The following STPG4 variants were observed in gnomAD, a reference collection of about 807,000 sequenced individuals.
The protein encoded by STPG4 is protein STPG4.
STPG4 carries 41 observed loss-of-function variants against 31.5 expected under a neutral mutation model. The observed-to-expected ratio is 1.30, with a 90% CI of 1.01 to 1.69. The LOEUF (loss-of-function observed/expected upper bound fraction) is 1.69. Among genes scored for constraint, STPG4 ranks in the 40% most tolerant of loss-of-function variants. The probability of loss-of-function intolerance (pLI) is 0.00; values close to 1 mark genes in which losing one functional copy is unlikely to be tolerated. For synonymous variants in STPG4, 141 were observed against 103.0 expected (o/e 1.37, Z -2.24); for missense variants, 375 against 293.4 (o/e 1.28, Z -2.03).
At chr2:47,142,338 C>G (rs1686731755) in intron 3 of STPG4, among the ~76,000 whole-genome samples, 1 of 152,052 alleles carries the variant, frequency 6.6e-6, no homozygotes, top group Non-Finnish European at 1.5e-5. Context: ...TTTCCATGAG[C>G]TCCATCTTCC....
chr2:47,096,929 CG>C (rs1685681254), intron 5 of STPG4, among the ~76,000 whole-genome samples: 1 of 152,040 alleles, frequency 6.6e-6, no homozygotes, highest in African/African-American at 2.4e-5. Flanking sequence ...TATACCAACT[CG>C]GAGGGCTTAT....
rs1686935132 is a variant in STPG4, at chr2:47,151,454, G to T, written c.203C>A (p.Pro68Gln). The T allele has an allele frequency of 6.2e-7, 1 of 1,613,810 alleles. No individual in the cohort carries two copies. The highest frequency in any genetic ancestry group is 1.3e-5 in the African/African-American group (1 of 74,904). ...TTTAAAATTGTAGGTTGCTATCACT[G>T]GATTTAATAGGGATTCTTCAATAAA... ...KTFIEESLLN[P>Q]VIATYNFKNE... is the part of the protein sequence containing the mutation. Residue 68 changes from proline (P) to glutamine (Q), a missense_variant, in exon 3 of 7, where the codon CCA becomes CAA. Transcript: ENST00000445927.
intron 5 of STPG4, among the ~76,000 whole-genome samples, chr2:47,114,027 CA>C (rs779123105): frequency 3.4e-4 from 42 of 124,426 alleles, no homozygotes; most frequent in Middle Eastern, 4.3e-3. Context: ...AGACTTGTCT[CA>C]AAAAAAAAAA....
chr2:47,136,358 G>A (rs1048669205), intron 3 of STPG4, among the ~76,000 whole-genome samples: 14 of 152,058 alleles, frequency 9.2e-5, no homozygotes, highest in African/African-American at 3.4e-4. Flanking sequence ...ATGTTGGCCA[G>A]GCTGGTCTCA....
intron 5 of STPG4, among the ~76,000 whole-genome samples, chr2:47,110,957 A>C (rs1005968703): frequency 1.3e-5 from 2 of 152,226 alleles, no homozygotes; most frequent in South Asian, 4.1e-4. Flanking sequence ...ATACCTTTTA[A>C]AAAAATTAAA....
At chr2:47,101,080 A>G (rs565857451) in intron 5 of STPG4, among the ~76,000 whole-genome samples, 13 of 151,854 alleles carry the variant, frequency 8.6e-5, no homozygotes, top group Non-Finnish European at 1.6e-4. Context: ...CCTATCGCCA[A>G]GCAGTGAGTA....
intron 5 of STPG4, chr2:47,129,108 A>G (rs1686420325): frequency 6.6e-6 from 1 of 151,924 alleles, no homozygotes; most frequent in African/African-American, 2.4e-5. Context: ...GGGCCTCAGG[A>G]CTCTGCCTGA....
At chr2:47,121,847 C>CGTGTGTGT (rs10538224) in intron 5 of STPG4, among the ~76,000 whole-genome samples, 9,508 of 144,104 alleles carry the variant, frequency 0.066, 489 homozygotes, top group African/African-American at 0.14. Flanking sequence ...GCCCTCTCCT[C>CGTGTGTGT]GTGTGTGTGT....
At chr2:47,106,026 G>C (rs945038823) in intron 5 of STPG4, among the ~76,000 whole-genome samples, 2 of 151,850 alleles carry the variant, frequency 1.3e-5, no homozygotes, top group African/African-American at 4.9e-5. Flanking sequence ...CAGAGGTAGG[G>C]AAAGACCAGC....
chr2:47,099,585 C>T (rs1685743883), intron 5 of STPG4, among the ~76,000 whole-genome samples: 1 of 152,268 alleles, frequency 6.6e-6, no homozygotes, highest in South Asian at 2.1e-4. Flanking sequence ...CCTCAGAGCC[C>T]TCGCTCGCTC....
chr2:47,115,651 G>A (rs1025161733), intron 5 of STPG4, among the ~76,000 whole-genome samples: 18 of 90,406 alleles, frequency 2.0e-4, no homozygotes, highest in African/African-American at 4.9e-4. Flanking sequence ...CACATTAAAG[G>A]CTTTTTTTTT....
At chr2:47,100,993 G>A (rs956197973) in intron 5 of STPG4, among the ~76,000 whole-genome samples, 19 of 151,908 alleles carry the variant, frequency 1.3e-4, no homozygotes, top group Non-Finnish European at 2.4e-4. Flanking sequence ...TGGCGACCCA[G>A]ATGGGACATT....
intron 5 of STPG4, among the ~76,000 whole-genome samples, chr2:47,097,991 A>G (rs1261031891): frequency 1.3e-5 from 2 of 151,652 alleles, no homozygotes; most frequent in African/African-American, 2.4e-5. Flanking sequence ...GGGACCTGAA[A>G]TTCAACTTTC....
intron 2 of STPG4, among the ~76,000 whole-genome samples, 175 bp downstream of exon 2, chr2:47,152,782 G>C (rs1425590068): frequency 6.6e-6 from 1 of 152,168 alleles, no homozygotes; most frequent in Admixed American, 6.5e-5. Context: ...AAAATTAAAA[G>C]TTAGTTTCTT....
chr2:47,121,388 C>T (rs558346142), intron 5 of STPG4, among the ~76,000 whole-genome samples: 1 of 152,176 alleles, frequency 6.6e-6, no homozygotes, highest in African/African-American at 2.4e-5. Context: ...ACAGGCCCCT[C>T]CCTCCACTCA....
chr2:47,102,423 G>A lies in STPG4; in HGVS notation c.520-12049C>T, dbSNP rs548542530. Among the ~76,000 whole-genome samples, 9 of 151,904 alleles carry A rather than the reference G, an allele frequency of 5.9e-5. No homozygotes were observed. In the South Asian group the frequency reaches 1.0e-3, roughly 18 times the overall value. On this transcript the variant is annotated intron_variant, in intron 5 of 6. Coordinates refer to ENST00000445927, the MANE Select transcript of STPG4 (RefSeq NM_001163561.2). ...TTTTCTGCACTACGGCTTGGCCCCAGTATTCTCTCTCTGATGGGGAAAAAT... is the reference window on the plus strand; with the variant it reads ...TTTTCTGCACTACGGCTTGGCCCCAATATTCTCTCTCTGATGGGGAAAAAT...
At chr2:47,113,491 T>C (rs1320915619) in intron 5 of STPG4, among the ~76,000 whole-genome samples, 1 of 151,978 alleles carries the variant, frequency 6.6e-6, no homozygotes, top group East Asian at 1.9e-4. Context: ...CATAAATCAA[T>C]CAAACATATT....
At chr2:47,139,481 C>T (rs1011980943) in intron 3 of STPG4, among the ~76,000 whole-genome samples, 36 of 151,282 alleles carry the variant, frequency 2.4e-4, no homozygotes, top group Non-Finnish European at 8.8e-5. Flanking sequence ...ATGGTAGACA[C>T]CTTAGTTCAT....
At chr2:47,090,899 GAC>G (rs146225355) in intron 5 of STPG4, among the ~76,000 whole-genome samples, 38,490 of 152,032 alleles carry the variant, frequency 0.25, 5,384 homozygotes, top group African/African-American at 0.36. Flanking sequence ...ATTTTAAAAA[GAC>G]AATCACTCCA....
Sources: gnomAD v4.1 joint callset for allele counts (sites outside exome capture counted in the v4.1 genomes callset) on GRCh38, gnomAD v4.1.1 for gene constraint, MANE v1.5 for transcripts, NCBI Gene and HGNC (gene_info 2026-07-23, HGNC 2026-07-21) for gene names.